ARHGEF28: variants seen among roughly 807,000 people sequenced by gnomAD.
ARHGEF28 encodes the protein Rho guanine nucleotide exchange factor 28.
A neutral mutation model predicts 206.6 loss-of-function variants in ARHGEF28; 152 were observed. The ratio of observed to expected loss-of-function variants is 0.74; its 90% confidence interval spans 0.64 to 0.84. The LOEUF (loss-of-function observed/expected upper bound fraction) is 0.84, where lower values mean the gene tolerates loss of function less well. ARHGEF28 is among the 40% of genes least tolerant of loss of function. The pLI is 0.00. For synonymous variants in ARHGEF28, 763 were observed against 776.4 expected (o/e 0.98, Z 0.29); for missense variants, 2,028 against 2,073.2 (o/e 0.98, Z 0.42).
intron 7 of ARHGEF28, among the ~76,000 whole-genome samples, chr5:73,789,225 A>G (rs1238658158): frequency 1.3e-5 from 2 of 152,234 alleles, no homozygotes; most frequent in Admixed American, 6.5e-5. Flanking sequence ...AAGAGGAATG[A>G]AGTACTAATA....
At chr5:73,738,209 C>T (rs568570211) in intron 2 of ARHGEF28, among the ~76,000 whole-genome samples, 16 of 152,194 alleles carry the variant, frequency 1.1e-4, no homozygotes, top group African/African-American at 3.9e-4. Context: ...CTCTTCCCCA[C>T]TAGTAGCTTG....
At chr5:73,820,983 A>G (rs1027580980) in intron 9 of ARHGEF28, among the ~76,000 whole-genome samples, 1 of 152,174 alleles carries the variant, frequency 6.6e-6, no homozygotes, top group Non-Finnish European at 1.5e-5. Context: ...CCCTCAGAGT[A>G]GCCCATAGCT....
intron 2 of ARHGEF28, among the ~76,000 whole-genome samples, chr5:73,705,733 GTC>G (rs1748889708): frequency 6.6e-6 from 1 of 152,204 alleles, no homozygotes; most frequent in African/African-American, 2.4e-5. Context: ...GGGAAATCCA[GTC>G]TCTGGCTAGA....
At chr5:73,658,533 A>G (rs1208433937) in intron 1 of ARHGEF28, among the ~76,000 whole-genome samples, 2 of 152,218 alleles carry the variant, frequency 1.3e-5, no homozygotes, top group Non-Finnish European at 2.9e-5. Flanking sequence ...CCAGAAAGGA[A>G]GAGTTTCAAA....
intron 35 of ARHGEF28, among the ~76,000 whole-genome samples, chr5:73,924,554 A>C (rs1763696110): frequency 6.6e-6 from 1 of 152,210 alleles, no homozygotes; most frequent in African/African-American, 2.4e-5. Flanking sequence ...ATGATTAGGA[A>C]GTGCATTTGG....
intron 35 of ARHGEF28, among the ~76,000 whole-genome samples, chr5:73,915,264 A>C (rs1437478623): frequency 6.6e-6 from 1 of 152,168 alleles, no homozygotes; most frequent in Non-Finnish European, 1.5e-5. Context: ...AGTATCATAA[A>C]TACTCTTTAG....
intron 9 of ARHGEF28, among the ~76,000 whole-genome samples, chr5:73,821,293 T>C (rs1756569620): frequency 1.3e-5 from 2 of 152,196 alleles, no homozygotes; most frequent in African/African-American, 2.4e-5. Context: ...AGAATGTTTC[T>C]ATTGAGGACA....
intron 35 of ARHGEF28, among the ~76,000 whole-genome samples, chr5:73,915,594 G>A (rs1034455944): frequency 6.6e-6 from 1 of 151,828 alleles, no homozygotes; most frequent in Non-Finnish European, 1.5e-5. Flanking sequence ...CTATGTAATC[G>A]GCCCTATGAG....
intron 9 of ARHGEF28, among the ~76,000 whole-genome samples, chr5:73,817,421 A>G (rs187399317): frequency 6.6e-6 from 1 of 152,208 alleles, no homozygotes; most frequent in Admixed American, 6.5e-5. Context: ...GCTATAGTAC[A>G]TGCTTTACAT....
At chr5:73,893,390 T>A in intron 28 of ARHGEF28, 102 bp downstream of exon 28, 2 of 907,776 alleles carry the variant, frequency 2.2e-6, no homozygotes, top group Non-Finnish European at 3.0e-6. Context: ...TGATTCATCC[T>A]GTGCACCTGA....
chr5:73,795,206 G>A, intron 8 of ARHGEF28, 125 bp from the exon 9 acceptor site: 1 of 806,246 alleles, frequency 1.2e-6, no homozygotes, highest in Non-Finnish European at 2.0e-6. Flanking sequence ...CTGTTTACAT[G>A]TGATGATACT....
At chr5:73,640,657 A>G (rs1280070806) in intron 1 of ARHGEF28, among the ~76,000 whole-genome samples, 2 of 152,198 alleles carry the variant, frequency 1.3e-5, no homozygotes, top group Non-Finnish European at 2.9e-5. Context: ...GTTTAAATCT[A>G]GCTTAATTTA....
chr5:73,875,246 A>G (rs1489093274), intron 22 of ARHGEF28, among the ~76,000 whole-genome samples: 42 of 149,622 alleles, frequency 2.8e-4, no homozygotes, highest in Middle Eastern at 3.4e-3. Flanking sequence ...CATATCCTTC[A>G]CCCACTTTTT....
At chr5:73,702,538 A>C (rs530078921) in intron 2 of ARHGEF28, among the ~76,000 whole-genome samples, 1 of 152,238 alleles carries the variant, frequency 6.6e-6, no homozygotes, top group South Asian at 2.1e-4. Context: ...CCCTGCTTTC[A>C]ATTTTTTAGG....
chr5:73,862,522 A>T (rs16870985), intron 16 of ARHGEF28, among the ~76,000 whole-genome samples: 8,510 of 152,090 alleles, frequency 0.056, 626 homozygotes, highest in African/African-American at 0.16. Flanking sequence ...CTTGATGTCT[A>T]GTTTAGCTAT....
intron 1 of ARHGEF28, chr5:73,627,012 T>A (rs1743054248): frequency 6.6e-6 from 1 of 152,218 alleles, no homozygotes; most frequent in Non-Finnish European, 1.5e-5. Flanking sequence ...AAAGCACCAT[T>A]TGGGTCGAGG....
chr5:73,845,439 A>T (rs1758274732), intron 11 of ARHGEF28, among the ~76,000 whole-genome samples: 1 of 151,950 alleles, frequency 6.6e-6, no homozygotes, highest in Admixed American at 6.6e-5. Context: ...GGACCTTCAC[A>T]CATCTCTCCT....
chr5:73,808,447 A>G (rs1209579158), intron 9 of ARHGEF28, among the ~76,000 whole-genome samples: 1 of 152,148 alleles, frequency 6.6e-6, no homozygotes, highest in African/African-American at 2.4e-5. Context: ...TTTTCTGTAC[A>G]ACATAGCCTC....
At chr5:73,878,912 G>C (rs892249521) in intron 22 of ARHGEF28, among the ~76,000 whole-genome samples, 4 of 152,054 alleles carry the variant, frequency 2.6e-5, no homozygotes, top group Non-Finnish European at 4.4e-5. Context: ...CTTGGAGTTG[G>C]TCTTCTCGAG....
Sources: gnomAD v4.1 joint callset for allele counts (sites outside exome capture counted in the v4.1 genomes callset) on GRCh38, gnomAD v4.1.1 for gene constraint, MANE v1.5 for transcripts, NCBI Gene and HGNC (gene_info 2026-07-23, HGNC 2026-07-21) for gene names.